ACCSL: variants seen among roughly 807,000 people sequenced by gnomAD.
ACCSL encodes 1-aminocyclopropane-1-carboxylate synthase homolog (inactive) like, also known as probable inactive 1-aminocyclopropane-1-carboxylate synthase-like protein 2.
Under a neutral mutation model 61.7 loss-of-function variants are expected in ACCSL, and 55 were observed. The observed-to-expected ratio is 0.89, with a 90% CI of 0.72 to 1.12. The LOEUF (loss-of-function observed/expected upper bound fraction) is 1.12, where lower values mean the gene tolerates loss of function less well. Among genes scored for constraint, ACCSL ranks in the 50% most tolerant of loss-of-function variants. The pLI is 0.00. For missense variants in ACCSL, 632 were observed against 698.0 expected, an observed-to-expected ratio of 0.91 and a Z score of 1.07; for synonymous variants, 258 against 264.3, an observed-to-expected ratio of 0.98 and a Z score of 0.23.
chr11:44,056,584 G>A (rs1450034219), intron 11 of ACCSL, among the ~76,000 whole-genome samples: 1 of 152,204 alleles, frequency 6.6e-6, no homozygotes, highest in Non-Finnish European at 1.5e-5. Context: ...TGTAATCCCA[G>A]CACTTTGGGA....
At chr11:44,031,577 G>A in the ACCSL span, among the ~76,000 whole-genome samples, 1 of 152,180 alleles carries the variant, frequency 6.6e-6, no homozygotes, top group Non-Finnish European at 1.5e-5. Flanking sequence ...GAAAGAGAGG[G>A]AGCAGGAGGA....
chr11:44,028,579 C>T, the ACCSL span, among the ~76,000 whole-genome samples: 2 of 152,202 alleles, frequency 1.3e-5, no homozygotes, highest in Non-Finnish European at 2.9e-5. Context: ...TGCCAGCATC[C>T]TCTAGTCATC....
At chr11:43,963,002 C>T in the ACCSL span, among the ~76,000 whole-genome samples, 2 of 152,180 alleles carry the variant, frequency 1.3e-5, no homozygotes, top group African/African-American at 2.4e-5. Context: ...CTCTTCTGAT[C>T]GGGGGTATCT....
the ACCSL span, among the ~76,000 whole-genome samples, chr11:44,038,097 G>T: frequency 6.6e-6 from 1 of 152,160 alleles, no homozygotes; most frequent in East Asian, 1.9e-4. Flanking sequence ...TATATAGTAT[G>T]CTTGAAGGGG....
At chr11:44,056,401 C>T in intron 11 of ACCSL, 75 bp downstream of exon 11, 3 of 1,516,670 alleles carry the variant, frequency 2.0e-6, no homozygotes, top group Non-Finnish European at 2.7e-6. Flanking sequence ...TTGCTTGGGC[C>T]TCTGATGTGC....
chr11:43,978,969 C>G, the ACCSL span, among the ~76,000 whole-genome samples: 1 of 151,852 alleles, frequency 6.6e-6, no homozygotes, highest in African/African-American at 2.4e-5. Flanking sequence ...TTGGGAAAGC[C>G]TTGTGGCACT....
chr11:44,030,094 G>A, the ACCSL span, among the ~76,000 whole-genome samples: 563 of 47,850 alleles, frequency 0.012, 65 homozygotes, highest in Admixed American at 0.11. Flanking sequence ...TAGTATAAAG[G>A]GGCTCCCCCT....
the ACCSL span, among the ~76,000 whole-genome samples, chr11:43,954,746 G>A: frequency 1.1e-4 from 16 of 151,944 alleles, no homozygotes; most frequent in African/African-American, 3.6e-4. Context: ...CACCACACCC[G>A]GCTAATTTTG....
At chr11:43,967,039 C>T in the ACCSL span, among the ~76,000 whole-genome samples, 1 of 152,050 alleles carries the variant, frequency 6.6e-6, no homozygotes, top group East Asian at 1.9e-4. Flanking sequence ...ATTATATTCA[C>T]TTTTCTATTT....
the ACCSL span, among the ~76,000 whole-genome samples, chr11:43,969,916 C>G: frequency 6.6e-6 from 1 of 152,144 alleles, no homozygotes; most frequent in Non-Finnish European, 1.5e-5. Context: ...CATCAGATCT[C>G]TCTCCCCTAC....
the ACCSL span, among the ~76,000 whole-genome samples, chr11:43,939,366 T>C: frequency 5.3e-5 from 8 of 152,232 alleles, no homozygotes. Context: ...ACTCCTGGTA[T>C]AAATTTCTAT....
At chr11:43,966,329 A>C in the ACCSL span, among the ~76,000 whole-genome samples, 1 of 151,966 alleles carries the variant, frequency 6.6e-6, no homozygotes, top group East Asian at 1.9e-4. Context: ...GGAAGGCTGA[A>C]ATGGGAGAAT....
rs941519556 is a variant in ACCSL, at chr11:44,058,439, G to A, written c.1450G>A (p.Val484Ile). The part of the protein sequence containing the change: ...PFHNRSSGLY[V>I]WINLKKYLDP... ...TCACAACCGCAGCTCTGGCCTCTAT[G>A]TCTGGATCAACTTGAAAAAGGTGTG... is the stretch of plus-strand genomic sequence containing the variant. Residue 484 changes from valine to isoleucine, a missense_variant, in exon 12 of 14, where the codon GTC becomes ATC. Coordinates refer to ENST00000378832, the MANE Select transcript of ACCSL (RefSeq NM_001031854.2). The A allele has an allele frequency of 1.9e-6, 3 of 1,614,166 alleles. No homozygotes were observed. Among genetic ancestry groups the A allele is most frequent in the Non-Finnish European group, 2.5e-6 (3 of 1,180,036 alleles).
chr11:44,024,337 T>A, the ACCSL span, among the ~76,000 whole-genome samples: 2 of 152,126 alleles, frequency 1.3e-5, no homozygotes, highest in Admixed American at 6.5e-5. Flanking sequence ...AGCTTGCAGA[T>A]GGCAGATTAT....
chr11:43,944,151 A>T, the ACCSL span: 2 of 322,506 alleles, frequency 6.2e-6, no homozygotes, highest in South Asian at 5.3e-5. Context: ...AAGCCGCAGG[A>T]GGGGCGGAGG....
chr11:43,976,820 T>C, the ACCSL span, among the ~76,000 whole-genome samples: 4 of 152,364 alleles, frequency 2.6e-5, no homozygotes, highest in East Asian at 7.7e-4. Context: ...GGCTAGTGTG[T>C]GCCCAACGAG....
At chr11:43,945,952 G>A in the ACCSL span, among the ~76,000 whole-genome samples, 1 of 152,222 alleles carries the variant, frequency 6.6e-6, no homozygotes, top group South Asian at 2.1e-4. Flanking sequence ...AGGTTATTGA[G>A]GGGACCATAT....
the ACCSL span, among the ~76,000 whole-genome samples, chr11:44,032,216 G>T: frequency 2.6e-5 from 4 of 152,194 alleles, no homozygotes; most frequent in African/African-American, 9.6e-5. Context: ...CTTTGCTGGG[G>T]CTGGGATATG....
At chr11:43,953,343 G>A in the ACCSL span, among the ~76,000 whole-genome samples, 1 of 151,992 alleles carries the variant, frequency 6.6e-6, no homozygotes, top group African/African-American at 2.4e-5. Flanking sequence ...CCAGCATGGT[G>A]AAACCCCATC....
Sources: allele counts gnomAD v4.1 joint callset (sites outside exome capture counted in the v4.1 genomes callset), GRCh38; gene constraint gnomAD v4.1.1; transcripts MANE v1.5; gene names NCBI Gene and HGNC (gene_info 2026-07-23, HGNC 2026-07-21).